Variants in ITGA2 observed in about 807,000 individuals in gnomAD.
ITGA2 encodes the protein integrin alpha-2.
Under a neutral mutation model 146.3 loss-of-function variants are expected in ITGA2, and 101 were observed. That is an observed-to-expected ratio of 0.69 (90% confidence interval 0.59 to 0.81). The LOEUF is 0.81. Among genes scored for constraint, ITGA2 ranks in the 40% least tolerant of loss-of-function variants. ITGA2 has a pLI of 0.00. For synonymous variants in ITGA2, 477 were observed against 487.1 expected, an observed-to-expected ratio of 0.98 and a Z score of 0.27; for missense variants, 1,281 against 1,402.7, an observed-to-expected ratio of 0.91 and a Z score of 1.39.
At chr5:53,058,190 C>A in intron 10 of ITGA2, 89 bp downstream of exon 10, 2 of 943,206 alleles carry the variant, frequency 2.1e-6, no homozygotes, top group Non-Finnish European at 1.7e-6. Context: ...GGGAAGACAG[C>A]CATCTAGGGA....
chr5:53,069,354 G>GC (rs1745282794), intron 16 of ITGA2, among the ~76,000 whole-genome samples: 1 of 151,766 alleles, frequency 6.6e-6, no homozygotes, highest in East Asian at 1.9e-4. Context: ...TAAGTAAATT[G>GC]CCCCAAGTCA....
At chr5:53,038,760 A>C (rs528406054) in intron 2 of ITGA2, among the ~76,000 whole-genome samples, 1 of 152,176 alleles carries the variant, frequency 6.6e-6, no homozygotes, top group African/African-American at 2.4e-5. Flanking sequence ...TGTCTCAGTG[A>C]TTCCATCTGT....
At chr5:53,048,851 G>T (rs1744216852) in intron 6 of ITGA2, 81 bp downstream of exon 6, 2 of 1,475,778 alleles carry the variant, frequency 1.4e-6, no homozygotes, top group Non-Finnish European at 1.9e-6. Context: ...CTTAATTTTT[G>T]TATTTGCCAA....
rs752944789 is a variant in ITGA2 at position 53,051,419 on chromosome 5, A to C, written c.639A>C (p.Leu213Phe). ...TGTCTCCTCTGTTGAAGGTGGGGTT[A>C]ATTCAGTATGCCAATAATCCAAGAG... ...DIGPTKTQVG[L>F]IQYANNPRVV... Residue 213 changes from leucine to phenylalanine, a missense_variant, in exon 7 of 30, where the codon TTA (leucine) becomes TTC (phenylalanine). Around this residue, in one of 3 missense-constraint regions of ITGA2, gnomAD observed 795 missense variants for 841.7 expected, o/e 0.94. Transcript: ENST00000296585. 6.8e-6 allele frequency: 11 copies of C among 1,613,338 alleles called. No homozygotes were observed. In the Admixed American group the frequency reaches 1.8e-4, roughly 27 times the overall value.
At chr5:53,018,971 T>C (rs1206210472) in intron 1 of ITGA2, among the ~76,000 whole-genome samples, 7 of 151,900 alleles carry the variant, frequency 4.6e-5, no homozygotes, top group Admixed American at 1.3e-4. Flanking sequence ...GGCTGAGATA[T>C]GAGAATTGCT....
At chr5:53,032,427 C>T (rs1019082426) in intron 2 of ITGA2, among the ~76,000 whole-genome samples, 2 of 152,048 alleles carry the variant, frequency 1.3e-5, no homozygotes, top group Non-Finnish European at 2.9e-5. Flanking sequence ...CATAATTACT[C>T]TAGGAGCTTT....
intron 23 of ITGA2, among the ~76,000 whole-genome samples, 194 bp from the exon 24 acceptor site, chr5:53,078,578 G>T (rs1030282546): frequency 2.0e-5 from 3 of 152,102 alleles, no homozygotes; most frequent in Non-Finnish European, 2.9e-5. Flanking sequence ...GTTTTCAAAG[G>T]AATTTATGTT....
At chr5:52,999,031 A>G (rs1207814379) in intron 1 of ITGA2, among the ~76,000 whole-genome samples, 8 of 152,228 alleles carry the variant, frequency 5.3e-5, no homozygotes, top group African/African-American at 1.9e-4. Flanking sequence ...CCTTTTTCAT[A>G]ACATGTCTAA....
chr5:53,093,453 C>T lies in ITGA2; in HGVS notation c.*2854C>T, dbSNP rs1740536689. On this transcript the variant is annotated 3_prime_UTR_variant, in exon 30 of 30. Transcript: ENST00000296585. ...CTTCCTTGCAGGGGCTGTCCTGTAC[C>T]TTGTAGGACAGCAGCCCTGTCCTAG... 6.6e-6 allele frequency: 1 copy of T among 151,998 alleles called. No individual in the cohort carries two copies. Among genetic ancestry groups the T allele is most frequent in the Non-Finnish European group, 1.5e-5 (1 of 68,012 alleles). The allele number at this position is 151,998 out of a possible 1,614,324, so 9.4% of individuals were successfully genotyped here.
At chr5:52,998,521 T>C (rs1365140168) in intron 1 of ITGA2, among the ~76,000 whole-genome samples, 1 of 152,092 alleles carries the variant, frequency 6.6e-6, no homozygotes, top group Non-Finnish European at 1.5e-5. Flanking sequence ...CCTTTTTTCA[T>C]GTCCTCTCTC....
rs531946514 is a variant in ITGA2 at position 53,033,954 on chromosome 5, G to A, written c.185+7086G>A. 6.6e-5 allele frequency among the ~76,000 whole-genome samples: 10 copies of A among 151,860 alleles called. No homozygotes were observed. The East Asian group carries it at 1.5e-3, about 24-fold the overall frequency. ...AATTTTTTATATTTTTAGTAGACAC[G>A]AGGTTTCACCGTGTTGGCCAGGCTG... On this transcript the variant is annotated intron_variant, in intron 2 of 29. Coordinates refer to ENST00000296585, the MANE Select transcript of ITGA2 (RefSeq NM_002203.4).
intron 1 of ITGA2, among the ~76,000 whole-genome samples, chr5:53,024,847 GA>G (rs1462883306): frequency 1.3e-5 from 2 of 152,158 alleles, no homozygotes; most frequent in African/African-American, 2.4e-5. Context: ...AATCATGAAG[GA>G]CCTTTGAATT....
chr5:53,064,923 T>G lies in ITGA2; in HGVS notation c.1614T>G (p.Gly538=), dbSNP rs1242158011. Residue 538 remains glycine (G), a synonymous_variant, in exon 14 of 30, where the codon GGT becomes GGG. Transcript: ENST00000296585. The stretch of plus-strand genomic sequence containing the variant: ...TTCCCCTTTGCAAGGGCATTTTGGG[T>G]CAGCACCAATTTCTTGAAGGCCCCG... ...YLFTIKEGIL[G]QHQFLEGPEG... is the part of the protein sequence containing the mutation. The G allele has an allele frequency of 6.2e-7, 1 of 1,612,546 alleles. No individual in the cohort carries two copies. Among genetic ancestry groups the G allele is most frequent in the Admixed American group, 1.7e-5 (1 of 59,828 alleles).
chr5:53,069,394 C>G (rs1042190986), intron 16 of ITGA2, among the ~76,000 whole-genome samples: 3 of 151,830 alleles, frequency 2.0e-5, no homozygotes, highest in African/African-American at 7.2e-5. Flanking sequence ...AATTAGGATT[C>G]AAACCAAGTC....
chr5:52,998,470 AAAAC>A (rs1327600751), intron 1 of ITGA2, among the ~76,000 whole-genome samples: 4 of 152,054 alleles, frequency 2.6e-5, no homozygotes, highest in Non-Finnish European at 5.9e-5. Flanking sequence ...AGAAACCCAA[AAAAC>A]AAACAAACAA....
At chr5:53,017,189 G>A (rs183422987) in intron 1 of ITGA2, among the ~76,000 whole-genome samples, 2 of 152,304 alleles carry the variant, frequency 1.3e-5, no homozygotes, top group Admixed American at 6.5e-5. Flanking sequence ...GAGTTCATGG[G>A]CTGTTTCTTT....
chr5:53,002,403 CAG>C (rs1011286990), intron 1 of ITGA2, among the ~76,000 whole-genome samples: 5 of 151,836 alleles, frequency 3.3e-5, no homozygotes, highest in African/African-American at 1.2e-4. Flanking sequence ...AAATAATTAA[CAG>C]AAAAAATATT....
chr5:53,071,105 G>A (rs1361242799), intron 17 of ITGA2, among the ~76,000 whole-genome samples: 1 of 151,920 alleles, frequency 6.6e-6, no homozygotes, highest in African/African-American at 2.4e-5. Context: ...TTCAAGAAAT[G>A]CTAAGTGTAA....
chr5:53,082,934 AGT>A, intron 26 of ITGA2, among the ~76,000 whole-genome samples: 1 of 152,194 alleles, frequency 6.6e-6, no homozygotes, highest in Non-Finnish European at 1.5e-5. Flanking sequence ...GACAAATTGT[AGT>A]ACATTTTGTG....
Sources: allele counts gnomAD v4.1 joint callset (sites outside exome capture counted in the v4.1 genomes callset), GRCh38; gene constraint gnomAD v4.1.1; regional missense constraint gnomAD v4.1.1; transcripts MANE v1.5; gene names NCBI Gene and HGNC (gene_info 2026-07-23, HGNC 2026-07-21).